The following MFAP2 variants were observed in gnomAD, a reference collection of about 807,000 sequenced individuals.
MFAP2 encodes microfibrillar-associated protein 2.
A neutral mutation model predicts 30.6 loss-of-function variants in MFAP2; 23 were observed. The observed-to-expected ratio is 0.75, with a 90% CI of 0.54 to 1.07. MFAP2 has a LOEUF of 1.07. Ranked by LOEUF, MFAP2 falls within the 50% of genes least tolerant of loss-of-function variation. MFAP2 has a pLI of 0.00. For synonymous variants in MFAP2, 73 were observed against 85.7 expected (o/e 0.85, Z 0.82); for missense variants, 198 against 223.8 (o/e 0.88, Z 0.74).
At chr1:16,978,705 CT>C (rs1036737115) in intron 1 of MFAP2, among the ~76,000 whole-genome samples, 1 of 152,208 alleles carries the variant, frequency 6.6e-6, no homozygotes, top group Non-Finnish European at 1.5e-5. Flanking sequence ...AAGGCACTGA[CT>C]GCGTGAATCA....
chr1:16,981,461 C>T (rs1286773575), upstream of MFAP2, among the ~76,000 whole-genome samples: 2 of 151,950 alleles, frequency 1.3e-5, no homozygotes, highest in African/African-American at 4.9e-5. Context: ...ACCCAGGCTT[C>T]CTCCCCTGCC....
rs1226588645 is a variant in MFAP2, at chr1:16,976,821, C to G, written c.155-27G>C. Reference sequence around the variant, plus strand: ...TGCAGCCAGGGGAGGATAAGGGGGTCTGCTCCCTCTACCCCTCCCAGGGGG... The same window carrying G: ...TGCAGCCAGGGGAGGATAAGGGGGTGTGCTCCCTCTACCCCTCCCAGGGGG... On this transcript the variant is annotated intron_variant, in intron 4 of 8. Coordinates refer to ENST00000375535, the MANE Select transcript of MFAP2 (RefSeq NM_002403.4). This position sits in a 1 kb window ranked among gnomAD's most constrained non-coding sequence, Gnocchi z 5.5. 2.5e-6 allele frequency: 4 copies of G among 1,614,030 alleles called. No individual in the cohort carries two copies. The Admixed American group carries it at 5.0e-5, about 20-fold the overall frequency.
In MFAP2 at chr1:16,977,110, G is replaced by T. The variant is rs751727011; in HGVS notation, c.126C>A (p.Ile42=). 6.2e-7 allele frequency: 1 copy of T among 1,613,936 alleles called. No individual in the cohort carries two copies. The highest frequency in any genetic ancestry group is 8.5e-7 in the Non-Finnish European group (1 of 1,180,006). Residue 42 remains isoleucine, a splice_region_variant and synonymous_variant, in exon 3 of 9, where the codon ATC becomes ATA. Coordinates refer to ENST00000375535, the MANE Select transcript of MFAP2 (RefSeq NM_002403.4). The stretch of plus-strand genomic sequence containing the variant: ...TCGGTGACCCGGCAAGGCCCTTACC[G>T]ATCTGGTCGCTATAGTGGGTGTACT... ...HVQYTHYSDQ[I]DNPDYYDYQE...
In MFAP2 at chr1:16,976,830, C is replaced by G; in HGVS notation, c.155-36G>C. On this transcript the variant is annotated intron_variant, in intron 4 of 8. Transcript: ENST00000375535. The surrounding 1 kb of genome is among the most constrained non-coding windows in gnomAD (Gnocchi z 5.5). Reference sequence around the variant, plus strand: ...GGGAGGATAAGGGGGTCTGCTCCCTCTACCCCTCCCAGGGGGTCTCCCCAC... The same window carrying G: ...GGGAGGATAAGGGGGTCTGCTCCCTGTACCCCTCCCAGGGGGTCTCCCCAC... 1 of 1,614,062 alleles carries G rather than the reference C, an allele frequency of 6.2e-7. No homozygotes were observed. Among genetic ancestry groups the G allele is most frequent in the Non-Finnish European group, 8.5e-7 (1 of 1,179,956 alleles).
At chr1:16,979,957 C>A (rs955634320) in intron 1 of MFAP2, among the ~76,000 whole-genome samples, 1 of 152,154 alleles carries the variant, frequency 6.6e-6, no homozygotes, top group Admixed American at 6.5e-5. Context: ...CAGGACCTGC[C>A]TGGGAGGCTG....
At chr1:16,981,279 G>A (rs139410538), upstream of MFAP2, among the ~76,000 whole-genome samples, 334 of 152,156 alleles carry the variant, frequency 2.2e-3, 3 homozygotes, top group Non-Finnish European at 3.6e-3. Context: ...CCCTGCCCCC[G>A]GCCATAACCA....
chr1:16,977,393 C>G, intron 2 of MFAP2, 195 bp from the exon 3 acceptor site: 1 of 594,276 alleles, frequency 1.7e-6, no homozygotes, highest in Non-Finnish European at 3.0e-6. Flanking sequence ...GGTCACCTCC[C>G]TGACCTTACC....
At position 16,976,350 on chromosome 1, in the gene MFAP2, G is replaced by T; in HGVS notation, c.286+151C>A. On this transcript the variant is annotated intron_variant, in intron 6 of 8. Transcript: ENST00000375535. This position sits in a 1 kb window ranked among gnomAD's most constrained non-coding sequence, Gnocchi z 5.5. ...CTCCTGGAGCTGCCTGGGGGGCCTG[G>T]TGATGCCAGCCTACGGCAGTCATAC... 1 of 978,706 alleles carries T rather than the reference G, an allele frequency of 1.0e-6. No individual in the cohort carries two copies. The highest frequency in any genetic ancestry group is 1.6e-6 in the Non-Finnish European group (1 of 627,376). 60.6% of individuals were successfully genotyped at this position (978,706 alleles called of 1,614,324 possible).
intron 1 of MFAP2, among the ~76,000 whole-genome samples, chr1:16,980,266 G>GGGCCCCCCCCC (rs1557656617): frequency 1.5e-5 from 1 of 66,634 alleles, no homozygotes; most frequent in African/African-American, 6.5e-5. Flanking sequence ...ATTCCCACCG[G>GGGCCCCCCCCC]ACCCCCCCCC....
rs1174532168 is a variant in MFAP2 at position 16,975,871 on chromosome 1, T to C, written c.287-141A>G. On this transcript the variant is annotated intron_variant, in intron 6 of 8. Transcript: ENST00000375535. The surrounding 1 kb of genome is among the most constrained non-coding windows in gnomAD (Gnocchi z 5.0). ...ACACCCATACCTACACATGCCCACA[T>C]AGACCCACGCAGCATTGTCAGACTT... The C allele has an allele frequency of 1.1e-5, 7 of 652,388 alleles. No individual in the cohort carries two copies. The highest frequency in any genetic ancestry group is 1.9e-5 in the South Asian group (1 of 53,306). 40.4% of individuals were successfully genotyped at this position (652,388 alleles called of 1,614,324 possible).
chr1:16,975,652 C>G lies in MFAP2; in HGVS notation c.365G>C (p.Cys122Ser). Residue 122 changes from cysteine to serine, a missense_variant, in exon 7 of 9, where the codon TGC (cysteine) becomes TCC (serine). Physicochemically the swap from Cys to Ser is moderately radical, Grantham distance 112. Transcript: ENST00000375535. This position sits in a 1 kb window ranked among gnomAD's most constrained non-coding sequence, Gnocchi z 5.0. The stretch of plus-strand genomic sequence containing the variant: ...GCCCATCTGTGCTCACCTGTAGAAG[C>G]AGACCTCGTTGAGACACTGTTTGCA... Reference protein sequence around the residue: ...RPCKQCLNEVCFYSLRRVYVI... With the variant: ...RPCKQCLNEVSFYSLRRVYVI... 1 of 1,614,046 alleles carries G rather than the reference C, an allele frequency of 6.2e-7. No homozygotes were observed. The highest frequency in any genetic ancestry group is 8.5e-7 in the Non-Finnish European group (1 of 1,179,956).
chr1:16,978,057 C>T (rs2076607708), intron 2 of MFAP2, 180 bp downstream of exon 2: 3 of 617,104 alleles, frequency 4.9e-6, no homozygotes, highest in Non-Finnish European at 8.4e-6. Context: ...GGAGCTGCCT[C>T]CAGATGCTGC....
rs2076597760 is a variant in MFAP2 at position 16,976,949 on chromosome 1, TG to T, written c.128-27del. On this transcript the variant is annotated intron_variant, in intron 3 of 8. Transcript: ENST00000375535. This position sits in a 1 kb window ranked among gnomAD's most constrained non-coding sequence, Gnocchi z 5.5. The stretch of plus-strand genomic sequence containing the variant: ...CTGCAAACAAAGATGAAAGTGGAAT[TG>T]GTGGGAGTAAGGCTAATCCCCCAGC... 6.2e-7 allele frequency: 1 copy of T among 1,613,980 alleles called. No homozygotes were observed. Among genetic ancestry groups the T allele is most frequent in the Non-Finnish European group, 8.5e-7 (1 of 1,179,952 alleles).
rs772031955 is a variant in MFAP2 at position 16,978,269 on chromosome 1, C to G, written c.5G>C (p.Arg2Thr). Residue 2 changes from arginine to threonine, a missense_variant, in exon 2 of 9, where the codon AGA becomes ACA. Arg to Thr is a moderately conservative substitution (Grantham distance 71). Transcript: ENST00000375535. Reference sequence around the variant, plus strand: ...GAATAGCAGGAAGAGGTAGGCAGCTCTCATGGCAACAAAGAGGCAGGCCGG... The same window carrying G: ...GAATAGCAGGAAGAGGTAGGCAGCTGTCATGGCAACAAAGAGGCAGGCCGG... M[R>T]AAYLFLLFLP... 6.3e-7 allele frequency: 1 copy of G among 1,578,098 alleles called. No homozygotes were observed. Among genetic ancestry groups the G allele is most frequent in the South Asian group, 1.2e-5 (1 of 85,898 alleles).
Position 16,975,654 on chromosome 1 carries a change from G to A in MFAP2, c.363C>T (p.Val121=). ...CCATCTGTGCTCACCTGTAGAAGCA[G>A]ACCTCGTTGAGACACTGTTTGCAAG... ...HRPCKQCLNE[V]CFYSLRRVYV... Residue 121 remains valine, a synonymous_variant, in exon 7 of 9, where the codon GTC becomes GTT. Coordinates refer to ENST00000375535, the MANE Select transcript of MFAP2 (RefSeq NM_002403.4). The surrounding 1 kb of genome is among the most constrained non-coding windows in gnomAD (Gnocchi z 5.0). 1 of 1,614,058 alleles carries A rather than the reference G, an allele frequency of 6.2e-7. No homozygotes were observed. Among genetic ancestry groups the A allele is most frequent in the African/African-American group, 1.3e-5 (1 of 75,042 alleles).
In MFAP2 at chr1:16,975,360, G is replaced by A. The variant is rs376280069; in HGVS notation, c.375-18C>T. On this transcript the variant is annotated intron_variant, in intron 7 of 8. Coordinates refer to ENST00000375535, the MANE Select transcript of MFAP2 (RefSeq NM_002403.4). This position sits in a 1 kb window ranked among gnomAD's most constrained non-coding sequence, Gnocchi z 5.0. ...GGCGGAGGCTGCGGGGACAGGGCAC[G>A]GGAGGTCTCAGCCCCACTTCCACCC... 35 of 1,612,028 alleles carry A rather than the reference G, an allele frequency of 2.2e-5. No homozygotes were observed. Among genetic ancestry groups the A allele is most frequent in the African/African-American group, 1.2e-4 (9 of 74,850 alleles).
upstream of MFAP2, chr1:16,980,645 C>G (rs1455207969): frequency 2.0e-5 from 3 of 152,416 alleles, no homozygotes; most frequent in East Asian, 3.9e-4. Context: ...CCCCTTGGCC[C>G]GCTCCGAGTC....
In MFAP2 at chr1:16,977,217, T is replaced by C; in HGVS notation, c.38-19A>G. 6.2e-7 allele frequency: 1 copy of C among 1,611,726 alleles called. No homozygotes were observed. The highest frequency in any genetic ancestry group is 8.5e-7 in the Non-Finnish European group (1 of 1,179,122). On this transcript the variant is annotated intron_variant, in intron 2 of 8. Coordinates refer to ENST00000375535, the MANE Select transcript of MFAP2 (RefSeq NM_002403.4). ...AAGCCTGCTGTGGGGAGGCAAAGCA[T>C]GTAGGGTACCCCATCGGGAGGGGCA...
In MFAP2 at chr1:16,975,686, G is replaced by A. The variant is rs1313228353; in HGVS notation, c.331C>T (p.His111Tyr). 1 of 1,614,072 alleles carries A rather than the reference G, an allele frequency of 6.2e-7. No individual in the cohort carries two copies. The highest frequency in any genetic ancestry group is 8.5e-7 in the Non-Finnish European group (1 of 1,179,982). The change falls in exon 7 of 9, where the codon CAC becomes TAC. Residue 111 changes from histidine to tyrosine, a missense_variant. Coordinates refer to ENST00000375535, the MANE Select transcript of MFAP2 (RefSeq NM_002403.4). The surrounding 1 kb of genome is among the most constrained non-coding windows in gnomAD (Gnocchi z 5.0). ...QYPCTRLYSI[H>Y]RPCKQCLNEV... ...TTGAGACACTGTTTGCAAGGCCTGTGTATGGAGTAGAGGCGGGTGCACGGG... is the reference window on the plus strand; with the variant it reads ...TTGAGACACTGTTTGCAAGGCCTGTATATGGAGTAGAGGCGGGTGCACGGG...
Sources: allele counts gnomAD v4.1 joint callset (sites outside exome capture counted in the v4.1 genomes callset), GRCh38; gene constraint gnomAD v4.1.1; non-coding constraint Gnocchi (gnomAD v3.1); transcripts MANE v1.5; gene names NCBI Gene and HGNC (gene_info 2026-07-23, HGNC 2026-07-21).